The following PWWP3B variants were observed in gnomAD, a reference collection of about 807,000 sequenced individuals.
The protein encoded by PWWP3B is PWWP domain containing 3B.
Under a neutral mutation model 15.7 loss-of-function variants are expected in PWWP3B, and 5 were observed. The ratio of observed to expected loss-of-function variants is 0.32; its 90% CI spans 0.17 to 0.67. The LOEUF is 0.67. Ranked by LOEUF, PWWP3B falls within the 30% of genes least tolerant of loss-of-function variation. PWWP3B has a pLI of 0.74. For synonymous variants in PWWP3B, 203 were observed against 179.8 expected (o/e 1.13, Z -1.03); for missense variants, 519 against 493.1 (o/e 1.05, Z -0.50).
At chrX:106,175,054 A>G (rs762646135) in intron 2 of PWWP3B, among the ~76,000 whole-genome samples, 35 of 106,991 alleles carry the variant, frequency 3.3e-4, no homozygotes, top group South Asian at 1.3e-3. Context: ...AAAAAAAAAA[A>G]AAGAAGAAAA....
rs1924159705 is a variant in PWWP3B at position 106,208,272 on chromosome X, T to G, written c.*749T>G. 1 of 123,520 alleles carries G rather than the reference T, an allele frequency of 8.1e-6. No homozygotes were observed. The highest frequency in any genetic ancestry group is 1.9e-5 in the Non-Finnish European group (1 of 53,344). The allele number at this position is 123,520 out of a possible 1,213,427, so 10.2% of individuals were successfully genotyped here. A position where few individuals can be genotyped will look rare whatever the true frequency, so the allele number is the denominator to read the frequency against. On this transcript the variant is annotated 3_prime_UTR_variant, in exon 4 of 4. Transcript: ENST00000357175. ...GTCTATCCTTCAATGGCTGAATAGT[T>G]CCTTAAATCAGACAAGCTCCTGGCT...
At chrX:106,176,049 G>T (rs758442455) in intron 2 of PWWP3B, among the ~76,000 whole-genome samples, 2 of 111,036 alleles carry the variant, frequency 1.8e-5, no homozygotes, top group Admixed American at 9.6e-5. Context: ...AAGTTGCGGG[G>T]TATTGATTAT....
In PWWP3B at chrX:106,193,530, C is replaced by T. The variant is rs765279335; in HGVS notation, c.-400-10455C>T. Among the ~76,000 whole-genome samples, 156 of 111,551 alleles carry T rather than the reference C, an allele frequency of 1.4e-3. 1 individual carries two copies. The highest frequency in any genetic ancestry group is 4.5e-3 in the African/African-American group (137 of 30,676). On this transcript the variant is annotated intron_variant, in intron 2 of 3. Coordinates refer to ENST00000357175, the MANE Select transcript of PWWP3B (RefSeq NM_001171020.2). ...TGTGTCTTTTAATTGGAGCATTTAG[C>T]CCATTTACATTTAAAGTTAATATTG...
intron 1 of PWWP3B, among the ~76,000 whole-genome samples, chrX:106,169,998 C>G (rs760747538): frequency 9.0e-6 from 1 of 111,680 alleles, no homozygotes; most frequent in Non-Finnish European, 1.9e-5. Context: ...TCTTATATCT[C>G]CACACATATC....
Position 106,171,222 on chromosome X carries a change from G to A in PWWP3B, c.-401+83G>A, listed in dbSNP as rs925688244. 4.5e-5 allele frequency: 5 copies of A among 111,837 alleles called. No homozygotes were observed. The South Asian group carries it at 1.1e-3, about 25-fold the overall frequency. 9.2% of individuals were successfully genotyped at this position (111,837 alleles called of 1,213,427 possible). A position where few individuals can be genotyped will look rare whatever the true frequency, so the allele number is the denominator to read the frequency against. ...TTGGAGAACAATGTATTTTGCTTCC[G>A]GCTCTACAGTCATCATAGCATTTTA... On this transcript the variant is annotated intron_variant, in intron 2 of 3. Transcript: ENST00000357175.
intron 1 of PWWP3B, among the ~76,000 whole-genome samples, chrX:106,168,899 G>C (rs1311816756): frequency 9.0e-6 from 1 of 111,454 alleles, no homozygotes; most frequent in East Asian, 2.8e-4. Flanking sequence ...ATTTGTCAAG[G>C]GATACACAAT....
At chrX:106,174,703 AACT>A (rs1921793250) in intron 2 of PWWP3B, among the ~76,000 whole-genome samples, 1 of 112,017 alleles carries the variant, frequency 8.9e-6, no homozygotes. Flanking sequence ...GACTTCTCAT[AACT>A]GATCTAAGGC....
chrX:106,200,167 A>G (rs1408676333), intron 2 of PWWP3B, among the ~76,000 whole-genome samples: 3 of 111,571 alleles, frequency 2.7e-5, no homozygotes, highest in Non-Finnish European at 5.6e-5. Context: ...GCTGTTAGCT[A>G]GATGCAAAGA....
At chrX:106,194,923 C>T (rs761030264) in intron 2 of PWWP3B, among the ~76,000 whole-genome samples, 75 of 111,350 alleles carry the variant, frequency 6.7e-4, no homozygotes, top group East Asian at 1.4e-3. Flanking sequence ...GAGCAGTACC[C>T]GGCCGTATGA....
In PWWP3B at chrX:106,192,182, T is replaced by C. The variant is rs1923023298; in HGVS notation, c.-400-11803T>C. On this transcript the variant is annotated intron_variant, in intron 2 of 3. Transcript: ENST00000357175. ...AATCCATCAGGTCCTGGACTTTTTT[T>C]GGTTGGTAAACTATTGATTATTGCC... Among the ~76,000 whole-genome samples, 4 of 111,872 alleles carry C rather than the reference T, an allele frequency of 3.6e-5. No individual in the cohort carries two copies. The Admixed American group carries it at 3.8e-4, about 11-fold the overall frequency.
chrX:106,190,855 A>G (rs1029456152), intron 2 of PWWP3B, among the ~76,000 whole-genome samples: 5 of 110,926 alleles, frequency 4.5e-5, no homozygotes, highest in African/African-American at 1.6e-4. Flanking sequence ...AGATAGTTGT[A>G]GATATGCGGC....
At position 106,205,958 on chromosome X, in the gene PWWP3B, G is replaced by A. The variant is rs1569367369; in HGVS notation, c.526G>A (p.Asp176Asn). The A allele has an allele frequency of 3.3e-6, 4 of 1,210,469 alleles. No individual in the cohort carries two copies. The highest frequency in any genetic ancestry group is 2.2e-5 in the Admixed American group (1 of 45,901). Reference protein sequence around the residue: ...DDKSQAPTMVDTIPSEVETKS... With the variant: ...DDKSQAPTMVNTIPSEVETKS... ...TAAATCACAAGCACCCACAATGGTC[G>A]ATACTATTCCAAGTGAAGTGGAAAC... Residue 176 changes from aspartate (D) to asparagine (N), a missense_variant, in exon 4 of 4, where the codon GAT becomes AAT. Transcript: ENST00000357175.
chrX:106,191,751 G>A (rs1460515721), intron 2 of PWWP3B, among the ~76,000 whole-genome samples: 1 of 111,337 alleles, frequency 9.0e-6, no homozygotes, highest in African/African-American at 3.3e-5. Context: ...TTAGCATGAA[G>A]GGTTGTTGAA....
At chrX:106,202,760 G>A (rs1231805921) in intron 2 of PWWP3B, among the ~76,000 whole-genome samples, 1 of 112,073 alleles carries the variant, frequency 8.9e-6, no homozygotes, top group Non-Finnish European at 1.9e-5. Flanking sequence ...TTTGGCAAAT[G>A]CCTGAGAAAC....
chrX:106,191,543 G>A (rs188399970), intron 2 of PWWP3B, among the ~76,000 whole-genome samples: 2,799 of 110,930 alleles, frequency 0.025, 97 homozygotes, highest in African/African-American at 0.087. Flanking sequence ...TCCTTCTCCT[G>A]CCTGATTGCC....
intron 2 of PWWP3B, among the ~76,000 whole-genome samples, chrX:106,188,232 C>T (rs893640141): frequency 9.1e-6 from 1 of 110,469 alleles, no homozygotes; most frequent in Admixed American, 9.5e-5. Flanking sequence ...TCAAAAGTCA[C>T]GTGTTGTAGG....
chrX:106,190,799 G>T (rs1922886382), intron 2 of PWWP3B, among the ~76,000 whole-genome samples: 1 of 111,535 alleles, frequency 9.0e-6, no homozygotes, highest in South Asian at 3.8e-4. Flanking sequence ...TATTAAATAG[G>T]GAATCGTTTC....
intron 2 of PWWP3B, among the ~76,000 whole-genome samples, chrX:106,184,847 G>A (rs946055455): frequency 9.0e-6 from 1 of 111,187 alleles, no homozygotes. Flanking sequence ...ACAGCTTGAA[G>A]GGGACATAAC....
intron 2 of PWWP3B, among the ~76,000 whole-genome samples, chrX:106,191,941 G>T (rs867826035): frequency 2.7e-5 from 3 of 111,593 alleles, no homozygotes; most frequent in Non-Finnish European, 5.6e-5. Context: ...GATCCGATTT[G>T]CCAGTATTTT....
Sources: gnomAD v4.1 joint callset for allele counts (sites outside exome capture counted in the v4.1 genomes callset) on GRCh38, gnomAD v4.1.1 for gene constraint, MANE v1.5 for transcripts, NCBI Gene and HGNC (gene_info 2026-07-23, HGNC 2026-07-21) for gene names.